The following MCTP2 variants were observed in gnomAD, a reference collection of about 807,000 sequenced individuals.
The protein encoded by MCTP2 is multiple C2 and transmembrane domain containing 2.
A neutral mutation model predicts 111.6 loss-of-function variants in MCTP2; 132 were observed. That is an observed-to-expected ratio of 1.18 (90% CI 1.03 to 1.37). The LOEUF is 1.37. Ranked by LOEUF, MCTP2 falls within the 40% of genes most tolerant of loss-of-function variation. The pLI is 0.00. For missense variants in MCTP2, 1,183 were observed against 1,067.9 expected, an observed-to-expected ratio of 1.11 and a Z score of -1.50; for synonymous variants, 395 against 387.7, an observed-to-expected ratio of 1.02 and a Z score of -0.22.
In MCTP2 at chr15:94,470,589, C is replaced by T. The variant is rs2073840367; in HGVS notation, c.2470+147C>T. On this transcript the variant is annotated intron_variant, in intron 21 of 22. Transcript: ENST00000357742. Reference sequence around the variant, plus strand: ...AAAGCATTTGGGGAACAAAAACTTCCAGGACCTCCCTGAAAGGCCAGTTGC... The same window carrying T: ...AAAGCATTTGGGGAACAAAAACTTCTAGGACCTCCCTGAAAGGCCAGTTGC... 17 of 661,078 alleles carry T rather than the reference C, an allele frequency of 2.6e-5. No homozygotes were observed. The South Asian group carries it at 3.0e-4, about 12-fold the overall frequency. 41.0% of individuals were successfully genotyped at this position (661,078 alleles called of 1,614,324 possible).
chr15:94,434,903 A>C (rs2083387932), intron 17 of MCTP2, among the ~76,000 whole-genome samples: 1 of 141,824 alleles, frequency 7.1e-6, no homozygotes, highest in African/African-American at 2.7e-5. Flanking sequence ...TTGCTCCTTC[A>C]CCCAGGCTAG....
intron 1 of MCTP2, among the ~76,000 whole-genome samples, chr15:94,273,116 C>A (rs796355174): frequency 2.0e-5 from 3 of 152,166 alleles, no homozygotes; most frequent in Non-Finnish European, 4.4e-5. Context: ...GTCTCTCATC[C>A]CCTTTAGTGA....
intron 22 of MCTP2, among the ~76,000 whole-genome samples, chr15:94,477,810 T>C (rs1463393525): frequency 6.6e-6 from 1 of 152,206 alleles, no homozygotes; most frequent in Non-Finnish European, 1.5e-5. Context: ...TAATTAGCTG[T>C]GAAAACACAT....
At chr15:94,330,278 C>G (rs147365878) in intron 4 of MCTP2, among the ~76,000 whole-genome samples, 134 of 152,176 alleles carry the variant, frequency 8.8e-4, no homozygotes, top group African/African-American at 3.0e-3. Flanking sequence ...TCTATAAAGG[C>G]TGGTGTCTAT....
chr15:94,245,585 T>TAC (rs1426652196), intron 1 of MCTP2, among the ~76,000 whole-genome samples: 1 of 145,140 alleles, frequency 6.9e-6, no homozygotes. Context: ...TACGTATATG[T>TAC]ACATATACGT....
intron 1 of MCTP2, among the ~76,000 whole-genome samples, chr15:94,275,873 A>T (rs184848409): frequency 7.5e-6 from 1 of 133,966 alleles, no homozygotes. Context: ...TGAGAGATGG[A>T]GTCTCGCTCT....
intron 18 of MCTP2, 104 bp downstream of exon 18, chr15:94,440,402 G>A: frequency 6.9e-7 from 1 of 1,438,878 alleles, no homozygotes; most frequent in Non-Finnish European, 9.5e-7. Context: ...CGTTTGAGGT[G>A]TAAGGAGCAG....
At chr15:94,237,139 A>G (rs1430990812) in intron 1 of MCTP2, among the ~76,000 whole-genome samples, 1 of 152,200 alleles carries the variant, frequency 6.6e-6, no homozygotes, top group African/African-American at 2.4e-5. Context: ...ATAATTGGAT[A>G]GGATAAAGGT....
chr15:94,379,751 TAA>T (rs1024426113), intron 12 of MCTP2, among the ~76,000 whole-genome samples: 10 of 147,070 alleles, frequency 6.8e-5, no homozygotes, highest in Non-Finnish European at 1.0e-4. Flanking sequence ...ATATGATATA[TAA>T]TATATATAAT....
intron 10 of MCTP2, among the ~76,000 whole-genome samples, chr15:94,366,362 T>G (rs2152434575): frequency 6.6e-6 from 1 of 152,338 alleles, no homozygotes; most frequent in East Asian, 1.9e-4. Context: ...CCCAGTTAAG[T>G]TAATTATATG....
chr15:94,440,409 G>A (rs1318046526), intron 18 of MCTP2, 111 bp downstream of exon 18: 2 of 1,380,592 alleles, frequency 1.4e-6, no homozygotes, highest in Non-Finnish European at 2.0e-6. Flanking sequence ...GGTGTAAGGA[G>A]CAGCCCTGCA....
At chr15:94,371,720 G>A (rs1202667403) in intron 12 of MCTP2, among the ~76,000 whole-genome samples, 3 of 152,052 alleles carry the variant, frequency 2.0e-5, no homozygotes, top group African/African-American at 7.2e-5. Context: ...ATGGAGTCCT[G>A]CTCTGTCGCC....
In MCTP2 at chr15:94,481,111, G is replaced by A. The variant is rs897849621; in HGVS notation, c.*2077G>A. 31 of 152,280 alleles carry A rather than the reference G, an allele frequency of 2.0e-4. No homozygotes were observed. Among genetic ancestry groups the A allele is most frequent in the African/African-American group, 7.0e-4 (29 of 41,554 alleles). 9.4% of individuals were successfully genotyped at this position (152,280 alleles called of 1,614,324 possible). ...CAGAATGCTTTTGATAAAATTTATC[G>A]ATTGTGGATTCACAGTGTGATAATT... On this transcript the variant is annotated 3_prime_UTR_variant, in exon 23 of 23. Transcript: ENST00000357742.
At chr15:94,360,167 G>A (rs1346555156) in intron 10 of MCTP2, among the ~76,000 whole-genome samples, 22 of 152,154 alleles carry the variant, frequency 1.4e-4, no homozygotes. Flanking sequence ...CACATCTCTG[G>A]TTGCATTACT....
chr15:94,440,282 G>A lies in MCTP2; in HGVS notation c.2192G>A (p.Ser731Asn). ...AGACCTGTGAAAGGCAAGGTCAGCA[G>A]CATCCAGGACAGCCAGGTAAGCAAG... ...FIRPVKGKVS[S>N]IQDSQESTDI... Residue 731 changes from serine to asparagine, a missense_variant, in exon 18 of 23, where the codon AGC (serine) becomes AAC (asparagine). Physicochemically the swap from Ser to Asn is conservative, Grantham distance 46. Coordinates refer to ENST00000357742, the MANE Select transcript of MCTP2 (RefSeq NM_001385001.1). The A allele has an allele frequency of 6.2e-7, 1 of 1,614,108 alleles. No individual in the cohort carries two copies. The highest frequency in any genetic ancestry group is 1.1e-5 in the South Asian group (1 of 91,058).
In MCTP2 at chr15:94,442,803, A is replaced by G; in HGVS notation, c.2209-116A>G. ...GTTATTGTTTAAGAGGTTGTAATGC[A>G]TTTCAAAAATATAAATGCTTGAAGT... On this transcript the variant is annotated intron_variant, in intron 18 of 22. Transcript: ENST00000357742. The G allele has an allele frequency of 3.6e-6, 3 of 826,296 alleles. No homozygotes were observed. The South Asian group carries it at 4.5e-5, about 12-fold the overall frequency. The allele number at this position is 826,296 out of a possible 1,614,324, so 51.2% of individuals were successfully genotyped here. A position where few individuals can be genotyped will look rare whatever the true frequency, so the allele number is the denominator to read the frequency against.
rs562568869 is a variant in MCTP2, at chr15:94,408,391, T to A, written c.2085+6372T>A. ...CATATATGCAAAATATATAGGTATA[T>A]TCAATGCTTAAAATATTTGGCATCT... is the stretch of plus-strand genomic sequence containing the variant. On this transcript the variant is annotated intron_variant, in intron 17 of 22. Transcript: ENST00000357742. 2.0e-5 allele frequency among the ~76,000 whole-genome samples: 3 copies of A among 152,346 alleles called. No homozygotes were observed. In the East Asian group the frequency reaches 5.8e-4, roughly 29 times the overall value.
Position 94,243,034 on chromosome 15 carries a change from T to TAC in MCTP2, c.-66+11373_-66+11374dup, listed in dbSNP as rs1208580168. On this transcript the variant is annotated intron_variant, in intron 1 of 22. Coordinates refer to ENST00000357742, the MANE Select transcript of MCTP2 (RefSeq NM_001385001.1). Reference sequence around the variant, plus strand: ...ACACGTGTATATGTGTATCTACACATACACGTGTATATGTGTATCTACACA... The same window carrying TAC: ...ACACGTGTATATGTGTATCTACACATACACACGTGTATATGTGTATCTACACA... 1.6e-3 allele frequency among the ~76,000 whole-genome samples: 149 copies of TAC among 93,932 alleles called. 35 individuals are homozygous for TAC. The highest frequency in any genetic ancestry group is 6.0e-3 in the African/African-American group (143 of 23,804). The allele number at this position is 93,932 out of a possible 152,430, so 61.6% of individuals were successfully genotyped here.
chr15:94,329,011 A>G (rs2077017401), intron 4 of MCTP2, among the ~76,000 whole-genome samples: 1 of 152,174 alleles, frequency 6.6e-6, no homozygotes, highest in South Asian at 2.1e-4. Flanking sequence ...TAAGCTTTTT[A>G]TGTGGAAGCT....
Sources: allele counts gnomAD v4.1 joint callset (sites outside exome capture counted in the v4.1 genomes callset), GRCh38; gene constraint gnomAD v4.1.1; transcripts MANE v1.5; gene names NCBI Gene and HGNC (gene_info 2026-07-23, HGNC 2026-07-21).